Variants in SLC38A2 observed in about 807,000 individuals in gnomAD.
SLC38A2 encodes solute carrier family 38 member 2, also known as sodium-coupled neutral amino acid symporter 2.
In SLC38A2, 11 loss-of-function variants were observed where a neutral mutation model predicts 61.5. The ratio of observed to expected loss-of-function variants is 0.18; its 90% CI spans 0.11 to 0.30. SLC38A2 has a LOEUF of 0.30. Ranked by LOEUF, SLC38A2 falls within the 10% of genes least tolerant of loss-of-function variation. The pLI is 1.00. For synonymous variants in SLC38A2, 217 were observed against 212.5 expected, an observed-to-expected ratio of 1.02 and a Z score of -0.18; for missense variants, 522 against 600.4, an observed-to-expected ratio of 0.87 and a Z score of 1.36.
chr12:46,369,548 T>A (rs772159099), intron 4 of SLC38A2, among the ~76,000 whole-genome samples: 1 of 152,074 alleles, frequency 6.6e-6, no homozygotes, highest in Admixed American at 6.5e-5. Flanking sequence ...TATATACATA[T>A]GGTTTCCTTA....
chr12:46,363,374 C>A (rs1943104551), intron 12 of SLC38A2, among the ~76,000 whole-genome samples: 1 of 152,040 alleles, frequency 6.6e-6, no homozygotes, highest in South Asian at 2.1e-4. Context: ...TTAAAAACAA[C>A]AGGAGTTAAG....
At chr12:46,371,604 C>G in intron 1 of SLC38A2, 1 of 340,222 alleles carries the variant, frequency 2.9e-6, no homozygotes, top group East Asian at 7.4e-5. Flanking sequence ...CGTCGAGGCC[C>G]CCTACTCCGG....
In SLC38A2 at chr12:46,358,486, A is replaced by G. The variant is rs755026536; in HGVS notation, c.*2625T>C. ...TCTGAATTTGTACCAAGATTTCATG[A>G]AAAAATTTGATGTTGTTTATTGCAA... On this transcript the variant is annotated 3_prime_UTR_variant, in exon 16 of 16. Coordinates refer to ENST00000256689, the MANE Select transcript of SLC38A2 (RefSeq NM_018976.5). 2 of 152,656 alleles carry G rather than the reference A, an allele frequency of 1.3e-5. No individual in the cohort carries two copies. Among genetic ancestry groups the G allele is most frequent in the Non-Finnish European group, 2.9e-5 (2 of 68,036 alleles). The allele number at this position is 152,656 out of a possible 1,614,324, so 9.5% of individuals were successfully genotyped here. A position where few individuals can be genotyped will look rare whatever the true frequency, so the allele number is the denominator to read the frequency against.
At position 46,358,430 on chromosome 12, in the gene SLC38A2, T is replaced by C. The variant is rs1021910061; in HGVS notation, c.*2681A>G. ...CATTTTGATTACTGCATTTTGAAAA[T>C]GTATTCCTTATTTAAATTTTAAATA... On this transcript the variant is annotated 3_prime_UTR_variant, in exon 16 of 16. Coordinates refer to ENST00000256689, the MANE Select transcript of SLC38A2 (RefSeq NM_018976.5). 1 of 152,790 alleles carries C rather than the reference T, an allele frequency of 6.5e-6. No individual in the cohort carries two copies. Among genetic ancestry groups the C allele is most frequent in the South Asian group, 2.1e-4 (1 of 4,832 alleles). The allele number at this position is 152,790 out of a possible 1,614,324, so 9.5% of individuals were successfully genotyped here. A position where few individuals can be genotyped will look rare whatever the true frequency, so the allele number is the denominator to read the frequency against.
chr12:46,371,969 A>C (rs1398838805), intron 1 of SLC38A2, among the ~76,000 whole-genome samples: 2 of 151,818 alleles, frequency 1.3e-5, no homozygotes, highest in Non-Finnish European at 2.9e-5. Context: ...CACGCGCGCC[A>C]GTGCCCTCAA....
At chr12:46,361,357 C>T (rs1943079691) in intron 15 of SLC38A2, 148 bp from the exon 16 acceptor site, 3 of 678,710 alleles carry the variant, frequency 4.4e-6, no homozygotes, top group Admixed American at 2.8e-5. Context: ...AATATAAACT[C>T]CTAAGTGATC....
chr12:46,371,462 T>A, intron 1 of SLC38A2, 83 bp from the exon 2 acceptor site: 3 of 602,998 alleles, frequency 5.0e-6, no homozygotes, highest in Non-Finnish European at 8.8e-6. Context: ...GCAGCGCGGC[T>A]GATTCATCCC....
rs757218467 is a variant in SLC38A2 at position 46,367,135 on chromosome 12, G to A, written c.422C>T (p.Ala141Val). Residue 141 changes from alanine (A) to valine (V), a missense_variant, in exon 6 of 16, where the codon GCA becomes GTA. Ala to Val is a moderately conservative substitution (Grantham distance 64, BLOSUM62 0). Around this residue, in one of 3 missense-constraint regions of SLC38A2, gnomAD observed 111 missense variants for 173.4 expected, o/e 0.64. Coordinates refer to ENST00000256689, the MANE Select transcript of SLC38A2 (RefSeq NM_018976.5). ...SLLYEQLGYK[A>V]FGLVGKLAAS... ...TGCAAGCTTTCCAACTAATCCAAAT[G>A]CCTTATATCCCAATTGTTCATATAA... 1.1e-5 allele frequency: 17 copies of A among 1,613,792 alleles called. No homozygotes were observed. The highest frequency in any genetic ancestry group is 6.7e-5 in the Admixed American group (4 of 59,998).
chr12:46,367,009 G>A (rs1026058466), intron 6 of SLC38A2, 64 bp from the exon 7 acceptor site: 2 of 1,603,638 alleles, frequency 1.2e-6, no homozygotes, highest in African/African-American at 2.7e-5. Flanking sequence ...TAAAACGCAT[G>A]TGTCACCATT....
chr12:46,368,142 G>A (rs1943158303), intron 4 of SLC38A2, among the ~76,000 whole-genome samples: 1 of 152,040 alleles, frequency 6.6e-6, no homozygotes, highest in Non-Finnish European at 1.5e-5. Flanking sequence ...GGAAAAGAAT[G>A]GTAAGGGGGA....
chr12:46,366,719 C>T lies in SLC38A2; in HGVS notation c.563+145G>A, dbSNP rs370812205. On this transcript the variant is annotated intron_variant, in intron 7 of 15. Transcript: ENST00000256689. Reference sequence around the variant, plus strand: ...CTTCTCCAAAGTTCGAATCAGTTTACGGGGATGGGGGGCCTTCTTGGTCAG... The same window carrying T: ...CTTCTCCAAAGTTCGAATCAGTTTATGGGGATGGGGGGCCTTCTTGGTCAG... The T allele has an allele frequency of 6.5e-4, 465 of 714,082 alleles. 9 individuals are homozygous for T. In the South Asian group the frequency reaches 9.0e-3, roughly 14 times the overall value. 44.2% of individuals were successfully genotyped at this position (714,082 alleles called of 1,614,324 possible).
intron 12 of SLC38A2, 89 bp downstream of exon 12, chr12:46,363,637 G>A (rs1394922426): frequency 4.2e-6 from 3 of 719,720 alleles, no homozygotes; most frequent in Non-Finnish European, 4.5e-6. Flanking sequence ...TTAAAGTGAT[G>A]GAACTACACA....
intron 4 of SLC38A2, among the ~76,000 whole-genome samples, chr12:46,369,501 A>G (rs567389725): frequency 4.6e-4 from 70 of 152,312 alleles, no homozygotes; most frequent in Non-Finnish European, 1.2e-4. Flanking sequence ...CAATCAGCTA[A>G]GTAAAACACA....
At chr12:46,362,936 CCTT>C (rs757323567) in intron 13 of SLC38A2, 82 bp downstream of exon 13, 2 of 1,533,400 alleles carry the variant, frequency 1.3e-6, no homozygotes, top group Non-Finnish European at 1.8e-6. Context: ...CTGGTGTTTC[CCTT>C]CTTCCAGAAG....
At chr12:46,362,875 T>C in intron 13 of SLC38A2, 146 bp downstream of exon 13, 1 of 1,069,246 alleles carries the variant, frequency 9.4e-7, no homozygotes, top group South Asian at 1.7e-5. Flanking sequence ...AAATATACAC[T>C]GTATTTTTAA....
intron 12 of SLC38A2, 137 bp from the exon 13 acceptor site, chr12:46,363,282 T>C (rs544462219): frequency 4.6e-6 from 5 of 1,093,294 alleles, no homozygotes; most frequent in East Asian, 5.0e-5. Flanking sequence ...AAGATTTGTT[T>C]GGAATTATAG....
At chr12:46,372,409 C>T in intron 1 of SLC38A2, 100 bp downstream of exon 1, 1 of 329,572 alleles carries the variant, frequency 3.0e-6, no homozygotes, top group Non-Finnish European at 5.5e-6. Context: ...AGGAAACGGA[C>T]CCCGCGGCCG....
intron 13 of SLC38A2, 125 bp from the exon 14 acceptor site, chr12:46,362,763 TAA>T: frequency 9.1e-7 from 1 of 1,104,740 alleles, no homozygotes; most frequent in Non-Finnish European, 1.3e-6. Context: ...TAACTATTTC[TAA>T]ATAAAACTGT....
At chr12:46,364,990 A>G in intron 8 of SLC38A2, 117 bp downstream of exon 8, 4 of 999,578 alleles carry the variant, frequency 4.0e-6, no homozygotes, top group Non-Finnish European at 4.6e-6. Flanking sequence ...GTAAGTCCCA[A>G]AGATATACCT....
Sources: allele counts gnomAD v4.1 joint callset (sites outside exome capture counted in the v4.1 genomes callset), GRCh38; gene constraint gnomAD v4.1.1; regional missense constraint gnomAD v4.1.1; transcripts MANE v1.5; gene names NCBI Gene and HGNC (gene_info 2026-07-23, HGNC 2026-07-21).